DSCAM: variants seen among roughly 807,000 people sequenced by gnomAD.
DSCAM encodes the protein DS cell adhesion molecule, also known as cell adhesion molecule DSCAM.
Under a neutral mutation model 217.7 loss-of-function variants are expected in DSCAM, and 47 were observed. The ratio of observed to expected loss-of-function variants is 0.22; its 90% confidence interval spans 0.17 to 0.28. The LOEUF is 0.28. Among genes scored for constraint, DSCAM ranks in the 10% least tolerant of loss-of-function variants. The pLI is 1.00. For synonymous variants in DSCAM, 1,056 were observed against 1,015.3 expected (o/e 1.04, Z -0.76); for missense variants, 2,080 against 2,618.3 (o/e 0.79, Z 4.49).
At position 40,433,033 on chromosome 21, in the gene DSCAM, T is replaced by G. The variant is rs574287895; in HGVS notation, c.509-63788A>C. Among the ~76,000 whole-genome samples the G allele has an allele frequency of 5.3e-5, 8 of 152,192 alleles. 1 individual carries two copies. The highest frequency in any genetic ancestry group is 5.2e-4 in the Admixed American group (8 of 15,290). On this transcript the variant is annotated intron_variant, in intron 3 of 32. Transcript: ENST00000400454. The stretch of plus-strand genomic sequence containing the variant: ...AAGCAATTTACAGATACAAAAAAAA[T>G]CAGTCACATTTCTTCTTCATTCATT...
chr21:40,145,213 C>T (rs2090340700), intron 16 of DSCAM, among the ~76,000 whole-genome samples: 1 of 152,132 alleles, frequency 6.6e-6, no homozygotes, highest in East Asian at 1.9e-4. Context: ...GTGTGCCAGG[C>T]CTTGTTCCAG....
chr21:40,019,269 G>C (rs1007849869), intron 32 of DSCAM, among the ~76,000 whole-genome samples: 3 of 152,224 alleles, frequency 2.0e-5, no homozygotes, highest in Non-Finnish European at 2.9e-5. Flanking sequence ...CATTGGCACA[G>C]CATTCCCCAG....
chr21:40,187,364 A>G (rs1264681794), intron 13 of DSCAM, 105 bp from the exon 14 acceptor site: 13 of 1,392,030 alleles, frequency 9.3e-6, no homozygotes, highest in Non-Finnish European at 1.3e-5. Flanking sequence ...TCTGCATTAG[A>G]CAAGAACAGA....
At chr21:40,339,441 A>C in intron 6 of DSCAM, 26 bp from the exon 7 acceptor site, 1 of 1,565,788 alleles carries the variant, frequency 6.4e-7, no homozygotes, top group Non-Finnish European at 8.6e-7. Context: ...TTATGGAAGA[A>C]AGTGGCACAT....
chr21:40,631,748 G>A (rs2089694166), intron 3 of DSCAM, among the ~76,000 whole-genome samples: 1 of 152,192 alleles, frequency 6.6e-6, no homozygotes. Flanking sequence ...TTTTATCTCT[G>A]TCCCAAAGTA....
At chr21:40,558,316 C>T (rs973469246) in intron 3 of DSCAM, among the ~76,000 whole-genome samples, 1 of 151,958 alleles carries the variant, frequency 6.6e-6, no homozygotes, top group Non-Finnish European at 1.5e-5. Context: ...GGCATGGCGG[C>T]GGGCACCTGT....
chr21:40,383,896 G>A (rs372897636), intron 3 of DSCAM: 8 of 152,178 alleles, frequency 5.3e-5, no homozygotes, highest in Non-Finnish European at 1.0e-4. Flanking sequence ...CATAAAGATA[G>A]TTCATGAATG....
At chr21:40,099,986 C>G (rs1418406987) in intron 20 of DSCAM, among the ~76,000 whole-genome samples, 2 of 152,146 alleles carry the variant, frequency 1.3e-5, no homozygotes, top group African/African-American at 2.4e-5. Context: ...CTGCTCACAA[C>G]AGGAGAGGAG....
intron 32 of DSCAM, among the ~76,000 whole-genome samples, chr21:40,021,724 A>G (rs2088276117): frequency 6.6e-6 from 1 of 152,210 alleles, no homozygotes. Flanking sequence ...TAAATAGGTC[A>G]GCATTGATTT....
chr21:40,347,549 G>T, intron 6 of DSCAM, 121 bp downstream of exon 6: 2 of 1,337,032 alleles, frequency 1.5e-6, no homozygotes, highest in Non-Finnish European at 2.1e-6. Context: ...TAGAGTACTA[G>T]CTGGTGAGAC....
intron 3 of DSCAM, among the ~76,000 whole-genome samples, chr21:40,559,918 G>C (rs951306635): frequency 6.6e-6 from 1 of 150,954 alleles, no homozygotes; most frequent in East Asian, 2.0e-4. Context: ...TCAGCCTCCC[G>C]AGTAGCTGGG....
At chr21:40,597,500 C>CTTTTTTTTTTTTTTTT (rs10530311) in intron 3 of DSCAM, among the ~76,000 whole-genome samples, 2 of 75,854 alleles carry the variant, frequency 2.6e-5, no homozygotes, top group African/African-American at 5.8e-5. Context: ...CAGTAATAGG[C>CTTTTTTTTTTTTTTTT]TTTTTTTTTT....
At chr21:40,075,798 AG>A (rs1450845801) in intron 26 of DSCAM, among the ~76,000 whole-genome samples, 1 of 152,182 alleles carries the variant, frequency 6.6e-6, no homozygotes, top group Non-Finnish European at 1.5e-5. Context: ...GGACCCAACT[AG>A]GTTTCTAAAG....
In DSCAM at chr21:40,647,076, T is replaced by A. The variant is rs369527226; in HGVS notation, c.508+45734A>T. 7.7e-4 allele frequency among the ~76,000 whole-genome samples: 117 copies of A among 152,336 alleles called. 5 individuals are homozygous for A. The South Asian group carries it at 0.024, about 31-fold the overall frequency. ...ACAAATATGCATGGGGCTATGCAAA[T>A]TTATCACTGTGAGAACAAGTTTTTC... On this transcript the variant is annotated intron_variant, in intron 3 of 32. Coordinates refer to ENST00000400454, the MANE Select transcript of DSCAM (RefSeq NM_001389.5).
At chr21:40,257,339 T>A (rs1009845526) in intron 11 of DSCAM, among the ~76,000 whole-genome samples, 2 of 152,340 alleles carry the variant, frequency 1.3e-5, no homozygotes, top group East Asian at 1.9e-4. Flanking sequence ...TGTATTGTAC[T>A]GTGTTATATT....
chr21:40,715,309 C>G (rs1183802781), intron 1 of DSCAM, among the ~76,000 whole-genome samples: 1 of 152,164 alleles, frequency 6.6e-6, no homozygotes, highest in East Asian at 1.9e-4. Flanking sequence ...ATTTAGCATC[C>G]TCCAGGTATC....
intron 3 of DSCAM, among the ~76,000 whole-genome samples, chr21:40,571,325 A>T (rs777047644): frequency 6.6e-6 from 1 of 152,182 alleles, no homozygotes; most frequent in Non-Finnish European, 1.5e-5. Context: ...CTCATAAATA[A>T]AATATGAATA....
At chr21:40,226,053 G>A (rs568829646) in intron 11 of DSCAM, among the ~76,000 whole-genome samples, 5 of 152,256 alleles carry the variant, frequency 3.3e-5, no homozygotes, top group African/African-American at 9.6e-5. Context: ...ACTCTTGCAC[G>A]TCCACTTATC....
intron 11 of DSCAM, among the ~76,000 whole-genome samples, chr21:40,209,019 C>T (rs1416635350): frequency 2.0e-5 from 3 of 152,266 alleles, no homozygotes; most frequent in Admixed American, 1.3e-4. Context: ...GCTAAATGAG[C>T]GGGCACTATT....
Sources: allele counts gnomAD v4.1 joint callset (sites outside exome capture counted in the v4.1 genomes callset), GRCh38; gene constraint gnomAD v4.1.1; transcripts MANE v1.5; gene names NCBI Gene and HGNC (gene_info 2026-07-23, HGNC 2026-07-21).